The following DYNC1I1 variants were observed in gnomAD, a reference collection of about 807,000 sequenced individuals.
DYNC1I1 encodes the protein cytoplasmic dynein 1 intermediate chain 1.
A neutral mutation model predicts 86.6 loss-of-function variants in DYNC1I1; 43 were observed. That is an observed-to-expected ratio of 0.50 (90% CI 0.39 to 0.64). The LOEUF (loss-of-function observed/expected upper bound fraction) is 0.64, where lower values mean the gene tolerates loss of function less well. Among genes scored for constraint, DYNC1I1 ranks in the 30% least tolerant of loss-of-function variants. DYNC1I1 has a pLI of 0.00. For missense variants in DYNC1I1, 604 were observed against 788.8 expected (o/e 0.77, Z 2.81); for synonymous variants, 262 against 283.7 (o/e 0.92, Z 0.77).
chr7:95,892,948 C>A (rs1790783251), intron 6 of DYNC1I1, among the ~76,000 whole-genome samples: 1 of 152,178 alleles, frequency 6.6e-6, no homozygotes, highest in African/African-American at 2.4e-5. Context: ...AAAAAATTGC[C>A]ATCTTTTTAT....
chr7:95,780,788 C>T (rs994302289), intron 1 of DYNC1I1, among the ~76,000 whole-genome samples: 1 of 152,088 alleles, frequency 6.6e-6, no homozygotes, highest in African/African-American at 2.4e-5. Context: ...CAGGGGATGA[C>T]CCTGAGACTC....
chr7:95,960,118 T>C (rs1293031348), intron 6 of DYNC1I1, among the ~76,000 whole-genome samples: 3 of 152,158 alleles, frequency 2.0e-5, no homozygotes, highest in Non-Finnish European at 4.4e-5. Flanking sequence ...TTTGTTTTGT[T>C]TTTTTGAGAC....
At chr7:95,935,981 T>G (rs1280852923) in intron 6 of DYNC1I1, among the ~76,000 whole-genome samples, 1 of 151,978 alleles carries the variant, frequency 6.6e-6, no homozygotes, top group Non-Finnish European at 1.5e-5. Flanking sequence ...AAATTTCATG[T>G]TTTTTTGGTC....
intron 6 of DYNC1I1, among the ~76,000 whole-genome samples, chr7:95,931,152 T>C (rs1228464290): frequency 1.3e-5 from 2 of 151,838 alleles, no homozygotes; most frequent in African/African-American, 4.8e-5. Context: ...ATGAATACTT[T>C]TTTTTTTTTT....
intron 6 of DYNC1I1, among the ~76,000 whole-genome samples, chr7:95,912,708 A>G (rs1329282482): frequency 1.3e-5 from 2 of 152,150 alleles, no homozygotes; most frequent in Non-Finnish European, 2.9e-5. Flanking sequence ...GGAGGAGGAA[A>G]GGCAATCTGT....
intron 10 of DYNC1I1, among the ~76,000 whole-genome samples, chr7:96,019,665 C>G (rs1262255592): frequency 1.3e-5 from 2 of 152,042 alleles, no homozygotes; most frequent in African/African-American, 4.8e-5. Context: ...GAGTCCAGCT[C>G]TAATTCAAGG....
intron 14 of DYNC1I1, among the ~76,000 whole-genome samples, chr7:96,061,694 CCTCT>C (rs1233157649): frequency 1.3e-4 from 18 of 138,668 alleles, no homozygotes; most frequent in East Asian, 2.2e-4. Flanking sequence ...TCCCTCCCTC[CCTCT>C]CTCTCTCTCT....
chr7:95,925,162 G>A (rs1791710683), intron 6 of DYNC1I1, among the ~76,000 whole-genome samples: 1 of 152,040 alleles, frequency 6.6e-6, no homozygotes, highest in Admixed American at 6.6e-5. Flanking sequence ...GGATATTCTG[G>A]GTGGCTGGGA....
intron 15 of DYNC1I1, among the ~76,000 whole-genome samples, 156 bp downstream of exon 15, chr7:96,076,353 A>T (rs1018826889): frequency 6.6e-6 from 1 of 152,198 alleles, no homozygotes; most frequent in Non-Finnish European, 1.5e-5. Context: ...CCCTGAAGGG[A>T]ATTGGCAGAT....
At chr7:95,827,151 C>T (rs1795218635) in intron 4 of DYNC1I1, among the ~76,000 whole-genome samples, 1 of 152,170 alleles carries the variant, frequency 6.6e-6, no homozygotes, top group African/African-American at 2.4e-5. Flanking sequence ...ACTTATTAAA[C>T]AGCACGCTCA....
At chr7:96,047,439 C>T (rs1187604369) in intron 14 of DYNC1I1, among the ~76,000 whole-genome samples, 1 of 152,170 alleles carries the variant, frequency 6.6e-6, no homozygotes, top group Non-Finnish European at 1.5e-5. Context: ...GCTGATGCTG[C>T]AGGTGCTGAG....
chr7:95,921,621 T>C (rs1377872326), intron 6 of DYNC1I1, among the ~76,000 whole-genome samples: 1 of 152,198 alleles, frequency 6.6e-6, no homozygotes, highest in Non-Finnish European at 1.5e-5. Context: ...TGTTCTCTTG[T>C]CTGCACACAC....
chr7:95,883,012 G>C (rs1421307612), intron 6 of DYNC1I1, among the ~76,000 whole-genome samples: 6 of 152,128 alleles, frequency 3.9e-5, no homozygotes, highest in Non-Finnish European at 8.8e-5. Flanking sequence ...GGAAAATTGA[G>C]TGATTTCATC....
intron 1 of DYNC1I1, among the ~76,000 whole-genome samples, chr7:95,778,319 G>A (rs1240875361): frequency 6.6e-6 from 1 of 152,212 alleles, no homozygotes; most frequent in Non-Finnish European, 1.5e-5. Flanking sequence ...GGAAATTAAT[G>A]CCATTAACTT....
chr7:96,051,016 T>C (rs1411643179), intron 14 of DYNC1I1, among the ~76,000 whole-genome samples: 4 of 152,184 alleles, frequency 2.6e-5, no homozygotes, highest in Non-Finnish European at 5.9e-5. Context: ...TGCTCAGAAA[T>C]AAAGTATGTA....
At chr7:96,017,208 T>C (rs539636130) in intron 10 of DYNC1I1, among the ~76,000 whole-genome samples, 13 of 152,320 alleles carry the variant, frequency 8.5e-5, no homozygotes, top group Non-Finnish European at 1.9e-4. Flanking sequence ...TTCCTTTCTT[T>C]TAATTAAGCA....
At chr7:95,810,529 A>G in intron 3 of DYNC1I1, 23 bp downstream of exon 3, 1 of 1,594,684 alleles carries the variant, frequency 6.3e-7, no homozygotes, top group Non-Finnish European at 8.6e-7. Flanking sequence ...GCTTCCTGTT[A>G]CTATTCCTCA....
chr7:95,874,299 T>G (rs546513601), intron 6 of DYNC1I1, among the ~76,000 whole-genome samples: 7 of 152,354 alleles, frequency 4.6e-5, no homozygotes, highest in Admixed American at 4.6e-4. Context: ...CAACATCAGC[T>G]TCCCACGTGA....
At chr7:96,101,347 A>G (rs1257890337), downstream of DYNC1I1, among the ~76,000 whole-genome samples, 1 of 152,146 alleles carries the variant, frequency 6.6e-6, no homozygotes, top group Non-Finnish European at 1.5e-5. Flanking sequence ...ACCTCTGCTC[A>G]CTGTCCAGTC....
Sources: gnomAD v4.1 joint callset for allele counts (sites outside exome capture counted in the v4.1 genomes callset) on GRCh38, gnomAD v4.1.1 for gene constraint, MANE v1.5 for transcripts, NCBI Gene and HGNC (gene_info 2026-07-23, HGNC 2026-07-21) for gene names.